KRR1: variants seen among roughly 807,000 people sequenced by gnomAD.
The protein encoded by KRR1 is KRR1 small subunit processome component homolog.
A neutral mutation model predicts 50.0 loss-of-function variants in KRR1; 23 were observed. The ratio of observed to expected loss-of-function variants is 0.46; its 90% CI spans 0.33 to 0.65. The LOEUF is 0.65. Ranked by LOEUF, KRR1 falls within the 30% of genes least tolerant of loss-of-function variation. KRR1 has a pLI of 0.02. For missense variants in KRR1, 419 were observed against 442.4 expected, an observed-to-expected ratio of 0.95 and a Z score of 0.47; for synonymous variants, 133 against 146.3, an observed-to-expected ratio of 0.91 and a Z score of 0.66.
At position 75,501,936 on chromosome 12, in the gene KRR1, A is replaced by C. The variant is rs1003764963; in HGVS notation, c.896T>G (p.Met299Arg). 1.9e-6 allele frequency: 3 copies of C among 1,612,346 alleles called. No individual in the cohort carries two copies. In the African/African-American group the frequency reaches 4.0e-5, roughly 22 times the overall value. ...AAAGTGCCGTACCTTTATTGCTTCCATTTTCTGCCGCTTCTTCTGATTTGC... is the reference window on the plus strand; with the variant it reads ...AAAGTGCCGTACCTTTATTGCTTCCCTTTTCTGCCGCTTCTTCTGATTTGC... ...LKANQKKRQK[M>R]EAIKAKQAEA... The change falls in exon 8 of 10, where the codon ATG becomes AGG. Residue 299 changes from methionine to arginine, a missense_variant. Transcript: ENST00000229214.
chr12:75,505,704 T>C (rs565953449), intron 5 of KRR1, among the ~76,000 whole-genome samples: 6 of 151,952 alleles, frequency 3.9e-5, no homozygotes, highest in Non-Finnish European at 7.4e-5. Flanking sequence ...AAAAGGCCAA[T>C]AGGATTACTA....
chr12:75,508,224 T>C lies in KRR1; in HGVS notation c.258+50A>G, dbSNP rs2046431380. 2.3e-6 allele frequency: 3 copies of C among 1,326,038 alleles called. No homozygotes were observed. In the South Asian group the frequency reaches 4.4e-5, roughly 19 times the overall value. 82.1% of individuals were successfully genotyped at this position (1,326,038 alleles called of 1,614,324 possible). ...ATTAGCATACATACATTTAAAGGCA[T>C]AAGCAAGAGCAAAGTCTCAAATAAA... On this transcript the variant is annotated intron_variant, in intron 2 of 9. Coordinates refer to ENST00000229214, the MANE Select transcript of KRR1 (RefSeq NM_007043.7).
chr12:75,499,866 A>G lies in KRR1; in HGVS notation c.1089T>C (p.Ala363=). ...CCTCCATCTTAAGTGCAATTTCTTCAGCTGTAAGAGCTCCCAGTTTCTTAT... is the reference window on the plus strand; with the variant it reads ...CCTCCATCTTAAGTGCAATTTCTTCGGCTGTAAGAGCTCCCAGTTTCTTAT... ...AKNKKLGALT[A]EEIALKMEAD... The change falls in exon 10 of 10, where the codon GCT becomes GCC. Residue 363 remains alanine, a synonymous_variant. Transcript: ENST00000229214. The G allele has an allele frequency of 1.2e-6, 2 of 1,607,904 alleles. No individual in the cohort carries two copies. Among genetic ancestry groups the G allele is most frequent in the Non-Finnish European group, 1.7e-6 (2 of 1,177,334 alleles).
Position 75,501,584 on chromosome 12 carries a change from G to T in KRR1, c.1003+139C>A, listed in dbSNP as rs527361597. 3.7e-4 allele frequency: 231 copies of T among 622,686 alleles called. 1 individual carries two copies. The South Asian group carries it at 4.2e-3, about 11-fold the overall frequency. The allele number at this position is 622,686 out of a possible 1,614,324, so 38.6% of individuals were successfully genotyped here. On this transcript the variant is annotated intron_variant, in intron 9 of 9. Coordinates refer to ENST00000229214, the MANE Select transcript of KRR1 (RefSeq NM_007043.7). ...TTATAAATTATCTCAGCCATCCCTT[G>T]TCCTTAGGATTAGTAATTAATGAAA...
At position 75,501,429 on chromosome 12, in the gene KRR1, T is replaced by C. The variant is rs899319286; in HGVS notation, c.1003+294A>G. 6 of 276,954 alleles carry C rather than the reference T, an allele frequency of 2.2e-5. No individual in the cohort carries two copies. The South Asian group carries it at 4.4e-4, about 20-fold the overall frequency. 17.2% of individuals were successfully genotyped at this position (276,954 alleles called of 1,614,324 possible). ...GAGCTCAGGGATCTTCTTGCATTTC[T>C]ACAGAAGATGCACTGGCTGCCCTGG... is the stretch of plus-strand genomic sequence containing the variant. On this transcript the variant is annotated intron_variant, in intron 9 of 9. Coordinates refer to ENST00000229214, the MANE Select transcript of KRR1 (RefSeq NM_007043.7).
At position 75,495,773 on chromosome 12, in the gene KRR1, T is replaced by C. The variant is rs1481612515; in HGVS notation, c.*4036A>G. 3.2e-6 allele frequency: 2 copies of C among 631,106 alleles called. No homozygotes were observed. The highest frequency in any genetic ancestry group is 5.7e-6 in the Non-Finnish European group (2 of 350,276). 39.1% of individuals were successfully genotyped at this position (631,106 alleles called of 1,614,324 possible). A position where few individuals can be genotyped will look rare whatever the true frequency, so the allele number is the denominator to read the frequency against. ...TCTTAACGGCTATCTTCAAGGAAAC[T>C]GGCATCAAGTAGCAATTAAACCAAT... On this transcript the variant is annotated 3_prime_UTR_variant, in exon 10 of 10. Transcript: ENST00000229214.
chr12:75,500,586 C>CATTTTGG (rs1246413239), intron 9 of KRR1: 3 of 151,898 alleles, frequency 2.0e-5, no homozygotes, highest in African/African-American at 7.2e-5. Flanking sequence ...TATTTAACAA[C>CATTTTGG]ATTTTGGTAA....
chr12:75,506,634 G>C, intron 3 of KRR1, 25 bp from the exon 4 acceptor site: 3 of 931,478 alleles, frequency 3.2e-6, no homozygotes, highest in Admixed American at 4.0e-5. Flanking sequence ...AAAAAAAAAA[G>C]AAGACATTAT....
chr12:75,495,754 C>G lies in KRR1; in HGVS notation c.*4055G>C. 1.4e-6 allele frequency: 1 copy of G among 735,802 alleles called. No homozygotes were observed. Among genetic ancestry groups the G allele is most frequent in the Non-Finnish European group, 2.3e-6 (1 of 432,928 alleles). 45.6% of individuals were successfully genotyped at this position (735,802 alleles called of 1,614,324 possible). Reference sequence around the variant, plus strand: ...ACAATGAAACCATGTTTTATCTTAACGGCTATCTTCAAGGAAACTGGCATC... The same window carrying G: ...ACAATGAAACCATGTTTTATCTTAAGGGCTATCTTCAAGGAAACTGGCATC... On this transcript the variant is annotated 3_prime_UTR_variant, in exon 10 of 10. Coordinates refer to ENST00000229214, the MANE Select transcript of KRR1 (RefSeq NM_007043.7).
intron 7 of KRR1, chr12:75,503,021 C>T: frequency 6.6e-6 from 1 of 152,136 alleles, no homozygotes. Flanking sequence ...AATGAGTTCA[C>T]ATGCTGAGCA....
In KRR1 at chr12:75,499,370, G is replaced by T. The variant is rs182562901; in HGVS notation, c.*439C>A. On this transcript the variant is annotated 3_prime_UTR_variant, in exon 10 of 10. Transcript: ENST00000229214. ...ATATCTGGTTTTCCCTGTCTTTTTG[G>T]TTTACTACTTCCCCAGATTCAGAAC... 2.4e-3 allele frequency: 395 copies of T among 161,496 alleles called. 3 individuals carry two copies. Among genetic ancestry groups the T allele is most frequent in the African/African-American group, 8.8e-3 (368 of 41,812 alleles). 10.0% of individuals were successfully genotyped at this position (161,496 alleles called of 1,614,324 possible). A position where few individuals can be genotyped will look rare whatever the true frequency, so the allele number is the denominator to read the frequency against.
Position 75,491,262 on chromosome 12 carries a change from ATGGCTCCT to A in KRR1, c.*8539_*8546del, listed in dbSNP as rs1294671739. On this transcript the variant is annotated 3_prime_UTR_variant, in exon 10 of 10. Coordinates refer to ENST00000229214, the MANE Select transcript of KRR1 (RefSeq NM_007043.7). ...TTAATCTTCACCAGAAGTTTATGAG[ATGGCTCCT>A]ATTACTACCCCTGTTTGGCAAATGA... is the stretch of plus-strand genomic sequence containing the variant. The A allele has an allele frequency of 6.6e-6, 1 of 152,178 alleles. No individual in the cohort carries two copies. Among genetic ancestry groups the A allele is most frequent in the African/African-American group, 2.4e-5 (1 of 41,444 alleles). 9.4% of individuals were successfully genotyped at this position (152,178 alleles called of 1,614,324 possible). A position where few individuals can be genotyped will look rare whatever the true frequency, so the allele number is the denominator to read the frequency against.
intron 7 of KRR1, 71 bp downstream of exon 7, chr12:75,503,833 T>C: frequency 2.2e-6 from 3 of 1,356,730 alleles, no homozygotes; most frequent in African/African-American, 1.5e-5. Flanking sequence ...TGAAATACTT[T>C]CAATAAAGTT....
intron 3 of KRR1, 86 bp from the exon 4 acceptor site, chr12:75,506,695 T>C: frequency 6.4e-7 from 1 of 1,552,442 alleles, no homozygotes; most frequent in East Asian, 2.3e-5. Context: ...TATTGTTACC[T>C]AAGCACAAAT....
chr12:75,508,993 C>A (rs2046434810), intron 1 of KRR1, among the ~76,000 whole-genome samples: 2 of 152,066 alleles, frequency 1.3e-5, no homozygotes, highest in Admixed American at 6.6e-5. Context: ...CGCCTTTCAT[C>A]GTAACTATAA....
chr12:75,504,134 C>T (rs2046411857), intron 6 of KRR1, 60 bp from the exon 7 acceptor site: 1 of 1,228,086 alleles, frequency 8.1e-7, no homozygotes, highest in Admixed American at 2.3e-5. Context: ...TTGTCAGACT[C>T]AGACATTATA....
intron 7 of KRR1, 184 bp downstream of exon 7, chr12:75,503,720 A>G (rs1317519327): frequency 1.3e-5 from 6 of 451,878 alleles, no homozygotes; most frequent in Non-Finnish European, 2.3e-5. Flanking sequence ...CCCACTGCAC[A>G]CCCCCATGCA....
rs1482184682 is a variant in KRR1 at position 75,497,450 on chromosome 12, AT to A, written c.*2358del. On this transcript the variant is annotated 3_prime_UTR_variant, in exon 10 of 10. Coordinates refer to ENST00000229214, the MANE Select transcript of KRR1 (RefSeq NM_007043.7). ...CATTTACTTCAGATAAGTGCTCAACATCTTACAGATTGATCTTGTCACTAAT... is the reference window on the plus strand; with the variant it reads ...CATTTACTTCAGATAAGTGCTCAACACTTACAGATTGATCTTGTCACTAAT... The A allele has an allele frequency of 1.3e-5, 2 of 152,206 alleles. No individual in the cohort carries two copies. The highest frequency in any genetic ancestry group is 2.9e-5 in the Non-Finnish European group (2 of 68,034). The allele number at this position is 152,206 out of a possible 1,614,324, so 9.4% of individuals were successfully genotyped here.
At position 75,495,892 on chromosome 12, in the gene KRR1, A is replaced by C. The variant is rs578170002; in HGVS notation, c.*3917T>G. 40 of 327,026 alleles carry C rather than the reference A, an allele frequency of 1.2e-4. No individual in the cohort carries two copies. The highest frequency in any genetic ancestry group is 1.0e-3 in the East Asian group (21 of 20,740). The allele number at this position is 327,026 out of a possible 1,614,324, so 20.3% of individuals were successfully genotyped here. On this transcript the variant is annotated 3_prime_UTR_variant, in exon 10 of 10. Coordinates refer to ENST00000229214, the MANE Select transcript of KRR1 (RefSeq NM_007043.7). ...CTAATTGGTCAAACAACAACAACAA[A>C]AAAAACTGTCAGAAACTGTAGACTA...
Sources: allele counts gnomAD v4.1 joint callset (sites outside exome capture counted in the v4.1 genomes callset), GRCh38; gene constraint gnomAD v4.1.1; transcripts MANE v1.5; gene names NCBI Gene and HGNC (gene_info 2026-07-23, HGNC 2026-07-21).